The following SNTB1 variants were observed in gnomAD, a reference collection of about 807,000 sequenced individuals.
SNTB1 encodes syntrophin beta 1, also known as beta-1-syntrophin.
A neutral mutation model predicts 48.9 loss-of-function variants in SNTB1; 36 were observed. The observed-to-expected ratio is 0.74, with a 90% CI of 0.56 to 0.97. The LOEUF (loss-of-function observed/expected upper bound fraction) is 0.97, where lower values mean the gene tolerates loss of function less well. Among genes scored for constraint, SNTB1 ranks in the 50% least tolerant of loss-of-function variants. SNTB1 has a pLI of 0.00. For missense variants in SNTB1, 786 were observed against 703.4 expected (o/e 1.12, Z -1.33); for synonymous variants, 299 against 294.6 (o/e 1.01, Z -0.15).
chr8:120,731,992 T>C (rs1818860051), intron 1 of SNTB1, among the ~76,000 whole-genome samples: 1 of 152,190 alleles, frequency 6.6e-6, no homozygotes, highest in Admixed American at 6.5e-5. Flanking sequence ...GTTTCAAAAC[T>C]GGAGCTTCCT....
At chr8:120,611,587 G>C (rs1010595784) in intron 3 of SNTB1, among the ~76,000 whole-genome samples, 26 of 151,802 alleles carry the variant, frequency 1.7e-4, no homozygotes, top group Admixed American at 5.2e-4. Flanking sequence ...ACTTTGGGAG[G>C]CGAGGTGGGC....
At chr8:120,705,703 C>A (rs538748634) in intron 1 of SNTB1, among the ~76,000 whole-genome samples, 2 of 152,288 alleles carry the variant, frequency 1.3e-5, no homozygotes, top group African/African-American at 4.8e-5. Context: ...GATGCCTAAT[C>A]CAAAGACTCC....
At chr8:120,597,092 G>A (rs946075623) in intron 3 of SNTB1, among the ~76,000 whole-genome samples, 1 of 152,174 alleles carries the variant, frequency 6.6e-6, no homozygotes, top group Admixed American at 6.5e-5. Flanking sequence ...AGCCCTAAAT[G>A]CAATCACAAG....
At chr8:120,766,131 C>T (rs535570042) in intron 1 of SNTB1, among the ~76,000 whole-genome samples, 3 of 152,238 alleles carry the variant, frequency 2.0e-5, no homozygotes, top group South Asian at 2.1e-4. Flanking sequence ...GAAGAGGGTT[C>T]TCACTCTGGG....
intron 2 of SNTB1, among the ~76,000 whole-genome samples, chr8:120,657,171 G>T (rs1353222279): frequency 6.6e-6 from 1 of 152,118 alleles, no homozygotes; most frequent in African/African-American, 2.4e-5. Context: ...TTGTTTTAAT[G>T]CAATCAATAT....
chr8:120,719,347 A>G (rs1017990030), intron 1 of SNTB1, among the ~76,000 whole-genome samples: 6 of 152,092 alleles, frequency 3.9e-5, no homozygotes, highest in African/African-American at 1.4e-4. Context: ...GCCCTAAAAC[A>G]TTGGACTTCA....
chr8:120,767,896 C>T (rs1002421523), intron 1 of SNTB1, among the ~76,000 whole-genome samples: 6 of 152,136 alleles, frequency 3.9e-5, no homozygotes. Context: ...TTGATAATTC[C>T]TAAATGATGA....
intron 1 of SNTB1, among the ~76,000 whole-genome samples, chr8:120,787,851 G>T (rs1003417555): frequency 6.6e-6 from 1 of 152,100 alleles, no homozygotes; most frequent in African/African-American, 2.4e-5. Flanking sequence ...TAGAGATTTA[G>T]ACATCCAAAT....
At chr8:120,567,762 A>T (rs1312574957) in intron 4 of SNTB1, among the ~76,000 whole-genome samples, 1 of 151,146 alleles carries the variant, frequency 6.6e-6, no homozygotes, top group Non-Finnish European at 1.5e-5. Flanking sequence ...ACCCAAGGTG[A>T]TTAGTTAGTA....
At chr8:120,633,056 C>G (rs1171278338) in intron 2 of SNTB1, among the ~76,000 whole-genome samples, 3 of 152,178 alleles carry the variant, frequency 2.0e-5, no homozygotes, top group Admixed American at 2.0e-4. Flanking sequence ...TGGCAGGAAA[C>G]AGATTGAAAT....
chr8:120,811,131 TC>T (rs71308610), intron 1 of SNTB1, 141 bp downstream of exon 1: 172,458 of 881,586 alleles, frequency 0.2, 34 homozygotes, highest in East Asian at 0.3. Context: ...GCGCCACCCT[TC>T]CCCCCCCCCC....
chr8:120,794,309 T>G (rs1036031841), intron 1 of SNTB1, among the ~76,000 whole-genome samples: 13 of 152,132 alleles, frequency 8.5e-5, no homozygotes, highest in African/African-American at 3.1e-4. Flanking sequence ...CCAGCTCCCA[T>G]CAGCTCAAGT....
At chr8:120,600,631 C>A (rs1587020086) in intron 3 of SNTB1, among the ~76,000 whole-genome samples, 1 of 152,170 alleles carries the variant, frequency 6.6e-6, no homozygotes, top group Middle Eastern at 3.4e-3. Flanking sequence ...TCTTTTATTC[C>A]ATGTATCAAT....
chr8:120,679,017 A>T (rs1817885140), intron 2 of SNTB1, among the ~76,000 whole-genome samples: 2 of 152,282 alleles, frequency 1.3e-5, no homozygotes, highest in South Asian at 4.1e-4. Context: ...AGTCCTCTCC[A>T]GGTGGTAGTA....
chr8:120,642,346 T>TA (rs1175846849), intron 2 of SNTB1, among the ~76,000 whole-genome samples: 2 of 152,188 alleles, frequency 1.3e-5, no homozygotes, highest in Admixed American at 6.5e-5. Context: ...GGCTTCTTTT[T>TA]AAAAAATCAT....
At chr8:120,648,889 C>T (rs1371689361) in intron 2 of SNTB1, among the ~76,000 whole-genome samples, 1 of 151,984 alleles carries the variant, frequency 6.6e-6, no homozygotes, top group Non-Finnish European at 1.5e-5. Context: ...TTTCTCTAAA[C>T]TTCCCTTCTT....
intron 6 of SNTB1, among the ~76,000 whole-genome samples, chr8:120,540,404 T>C (rs946659195): frequency 6.6e-6 from 1 of 152,212 alleles, no homozygotes; most frequent in African/African-American, 2.4e-5. Flanking sequence ...GCTGTAATTA[T>C]AGGCAGAAAG....
chr8:120,651,162 T>C (rs1180842211), intron 2 of SNTB1, among the ~76,000 whole-genome samples: 1 of 152,198 alleles, frequency 6.6e-6, no homozygotes, highest in Non-Finnish European at 1.5e-5. Context: ...CAATGAAGCA[T>C]GGAGAGTCCT....
chr8:120,596,645 T>C (rs917839574), intron 3 of SNTB1, among the ~76,000 whole-genome samples: 2 of 152,222 alleles, frequency 1.3e-5, no homozygotes, highest in South Asian at 4.1e-4. Flanking sequence ...TGCTATCAGC[T>C]GAGGGCCATT....
Sources: gnomAD v4.1 joint callset for allele counts (sites outside exome capture counted in the v4.1 genomes callset) on GRCh38, gnomAD v4.1.1 for gene constraint, MANE v1.5 for transcripts, NCBI Gene and HGNC (gene_info 2026-07-23, HGNC 2026-07-21) for gene names.